ATRNL1: variants seen among roughly 807,000 people sequenced by gnomAD.
The protein encoded by ATRNL1 is attractin-like protein 1.
ATRNL1 carries 95 observed loss-of-function variants against 182.7 expected under a neutral mutation model. That is an observed-to-expected ratio of 0.52 (90% CI 0.44 to 0.62). The LOEUF (loss-of-function observed/expected upper bound fraction) is 0.62, where lower values mean the gene tolerates loss of function less well. ATRNL1 is among the 20% of genes least tolerant of loss of function. ATRNL1 has a pLI of 0.00. For synonymous variants in ATRNL1, 576 were observed against 568.3 expected (o/e 1.01, Z -0.19); for missense variants, 1,471 against 1,679.5 (o/e 0.88, Z 2.17).
intron 24 of ATRNL1, among the ~76,000 whole-genome samples, chr10:115,504,963 A>G (rs1850033598): frequency 6.6e-6 from 1 of 152,084 alleles, no homozygotes; most frequent in Admixed American, 6.6e-5. Context: ...TCTTAATAAC[A>G]TGTTTTATAA....
intron 19 of ATRNL1, among the ~76,000 whole-genome samples, chr10:115,338,312 AAC>A (rs1554937314): frequency 6.6e-6 from 1 of 152,132 alleles, no homozygotes; most frequent in East Asian, 1.9e-4. Context: ...GGAACCTTCA[AAC>A]TTTTCTCCAT....
chr10:115,435,029 CTTT>C (rs34902658), intron 21 of ATRNL1, among the ~76,000 whole-genome samples: 3 of 130,944 alleles, frequency 2.3e-5, no homozygotes, highest in Non-Finnish European at 1.6e-5. Flanking sequence ...AAACCTGGGA[CTTT>C]TTTTTTTTTT....
chr10:115,504,185 G>A (rs968439313), intron 24 of ATRNL1, among the ~76,000 whole-genome samples: 14 of 151,780 alleles, frequency 9.2e-5, no homozygotes, highest in Non-Finnish European at 1.8e-4. Context: ...TACCTAGATT[G>A]TGTATGAAAA....
At chr10:115,808,390 C>T (rs1480106088) in intron 27 of ATRNL1, among the ~76,000 whole-genome samples, 1 of 151,954 alleles carries the variant, frequency 6.6e-6, no homozygotes, top group Non-Finnish European at 1.5e-5. Flanking sequence ...ATAAAATATC[C>T]TGATTATGGA....
At chr10:115,920,874 T>G (rs1953036118) in intron 28 of ATRNL1, among the ~76,000 whole-genome samples, 1 of 152,196 alleles carries the variant, frequency 6.6e-6, no homozygotes, top group African/African-American at 2.4e-5. Flanking sequence ...TTAAGAAGTA[T>G]CAAAATATCA....
At chr10:115,415,541 A>G (rs1565018181) in intron 20 of ATRNL1, among the ~76,000 whole-genome samples, 2 of 151,254 alleles carry the variant, frequency 1.3e-5, no homozygotes, top group Non-Finnish European at 3.0e-5. Context: ...TAAGGTAGTC[A>G]TATTTCTTAG....
intron 28 of ATRNL1, among the ~76,000 whole-genome samples, chr10:115,940,843 C>T (rs1407503158): frequency 1.3e-5 from 2 of 152,086 alleles, no homozygotes; most frequent in African/African-American, 2.4e-5. Context: ...TTTTAAGGTT[C>T]ACCTTATATT....
chr10:115,392,229 TC>T (rs1332935427), intron 19 of ATRNL1, among the ~76,000 whole-genome samples: 2 of 152,144 alleles, frequency 1.3e-5, no homozygotes, highest in African/African-American at 2.4e-5. Context: ...GTACTTTTTT[TC>T]AGATTTTTTC....
intron 26 of ATRNL1, among the ~76,000 whole-genome samples, chr10:115,605,616 A>G (rs1426857311): frequency 1.3e-5 from 2 of 152,076 alleles, no homozygotes; most frequent in African/African-American, 2.4e-5. Context: ...ATTGGGAAAT[A>G]ACCTCATTGT....
intron 28 of ATRNL1, among the ~76,000 whole-genome samples, chr10:115,897,302 C>T (rs1401696568): frequency 1.3e-5 from 2 of 152,076 alleles, no homozygotes; most frequent in Non-Finnish European, 2.9e-5. Context: ...TTGGCAGTAT[C>T]TGAAGAAATG....
chr10:115,752,985 T>C (rs1268182718), intron 27 of ATRNL1, among the ~76,000 whole-genome samples: 1 of 151,982 alleles, frequency 6.6e-6, no homozygotes, highest in African/African-American at 2.4e-5. Flanking sequence ...TTTGGGAGAC[T>C]CCCTTCTACC....
intron 27 of ATRNL1, among the ~76,000 whole-genome samples, chr10:115,791,360 G>A (rs555272198): frequency 1.3e-5 from 2 of 152,190 alleles, no homozygotes; most frequent in South Asian, 4.1e-4. Flanking sequence ...ACAGGAGAGT[G>A]TACAAAATAC....
intron 24 of ATRNL1, among the ~76,000 whole-genome samples, chr10:115,482,365 T>G (rs978018932): frequency 6.6e-6 from 1 of 151,166 alleles, no homozygotes; most frequent in African/African-American, 2.4e-5. Flanking sequence ...CAAGAGTTGC[T>G]TATTCAAATG....
chr10:115,487,422 A>G (rs1261841031), intron 24 of ATRNL1, among the ~76,000 whole-genome samples: 2 of 152,164 alleles, frequency 1.3e-5, no homozygotes, highest in East Asian at 3.9e-4. Flanking sequence ...TTCCTTCAGC[A>G]GTGGTTTGTA....
chr10:115,739,214 C>G (rs1948068745), intron 27 of ATRNL1, among the ~76,000 whole-genome samples: 1 of 152,190 alleles, frequency 6.6e-6, no homozygotes, highest in South Asian at 2.1e-4. Flanking sequence ...CTTATTCATA[C>G]TGGCTGCCAT....
chr10:115,738,591 C>T (rs1555066816), intron 27 of ATRNL1, among the ~76,000 whole-genome samples: 1 of 152,040 alleles, frequency 6.6e-6, no homozygotes, highest in East Asian at 1.9e-4. Context: ...GACCTTTCTT[C>T]ACCAAAACCA....
intron 19 of ATRNL1, 117 bp downstream of exon 19, chr10:115,334,536 T>A: frequency 1.6e-6 from 1 of 618,274 alleles, no homozygotes; most frequent in Non-Finnish European, 2.5e-6. Flanking sequence ...TCAGTTTTAG[T>A]ATGTTTTCTA....
Position 115,531,186 on chromosome 10 carries a change from C to T in ATRNL1, c.3716+11862C>T, listed in dbSNP as rs1592796706. Among the ~76,000 whole-genome samples the T allele has an allele frequency of 2.6e-5, 4 of 152,046 alleles. No individual in the cohort carries two copies. In the East Asian group the frequency reaches 7.8e-4, roughly 29 times the overall value. Reference sequence around the variant, plus strand: ...TCAAATGGTATTTCTAGTTCTAGATCCCTGAGTAATCGCCACACTGACTTC... The same window carrying T: ...TCAAATGGTATTTCTAGTTCTAGATTCCTGAGTAATCGCCACACTGACTTC... On this transcript the variant is annotated intron_variant, in intron 25 of 28. Transcript: ENST00000355044.
chr10:115,395,639 A>G (rs1844249614), intron 20 of ATRNL1, among the ~76,000 whole-genome samples: 1 of 151,160 alleles, frequency 6.6e-6, no homozygotes, highest in Non-Finnish European at 1.5e-5. Flanking sequence ...GGTTCCTTAT[A>G]TTCATCTTCT....
Sources: gnomAD v4.1 joint callset for allele counts (sites outside exome capture counted in the v4.1 genomes callset) on GRCh38, gnomAD v4.1.1 for gene constraint, MANE v1.5 for transcripts, NCBI Gene and HGNC (gene_info 2026-07-23, HGNC 2026-07-21) for gene names.